ANAPC1: variants seen among roughly 807,000 people sequenced by gnomAD.
ANAPC1 encodes anaphase-promoting complex subunit 1.
In ANAPC1, 36 loss-of-function variants were observed where a neutral mutation model predicts 208.0. That is an observed-to-expected ratio of 0.17 (90% CI 0.13 to 0.23). ANAPC1 has a LOEUF of 0.23. ANAPC1 is among the 10% of genes least tolerant of loss of function. The pLI is 1.00. For synonymous variants in ANAPC1, 378 were observed against 695.2 expected (o/e 0.54, Z 7.18); for missense variants, 942 against 2,011.6 (o/e 0.47, Z 10.17).
At chr2:111,830,391 T>C (rs1182719192) in intron 21 of ANAPC1, among the ~76,000 whole-genome samples, 3 of 151,918 alleles carry the variant, frequency 2.0e-5, no homozygotes, top group African/African-American at 7.3e-5. Context: ...ACAAAATGGA[T>C]TAGAGATCTA....
chr2:111,839,132 A>C (rs567793026), intron 17 of ANAPC1, among the ~76,000 whole-genome samples: 22 of 152,286 alleles, frequency 1.4e-4, no homozygotes, highest in African/African-American at 5.3e-4. Context: ...CTGCTCCTCC[A>C]GGCTCTTTGC....
In ANAPC1 at chr2:111,850,979, T is replaced by C. The variant is rs56857846; in HGVS notation, c.1516-69A>G. ...ATGCATCATATCCTTAAATAAAATG[T>C]TAAGGAATATAAACATATATTTCTT... On this transcript the variant is annotated intron_variant, in intron 13 of 47. Transcript: ENST00000341068. 24,414 of 1,511,812 alleles carry C rather than the reference T, an allele frequency of 0.016. 456 individuals are homozygous for C. Among genetic ancestry groups the C allele is most frequent in the African/African-American group, 0.086 (6,087 of 70,554 alleles). 93.6% of individuals were successfully genotyped at this position (1,511,812 alleles called of 1,614,324 possible).
chr2:111,856,338 T>TA (rs11361199), intron 13 of ANAPC1: 1,472 of 242,402 alleles, frequency 6.1e-3, no homozygotes, highest in East Asian at 0.013. Context: ...ACTTTAACTT[T>TA]AAAAAAAAAA....
chr2:111,800,153 T>C (rs1190968610), intron 34 of ANAPC1, among the ~76,000 whole-genome samples: 4 of 131,814 alleles, frequency 3.0e-5, no homozygotes, highest in Non-Finnish European at 6.5e-5. Flanking sequence ...TGATGAAACA[T>C]GTTTATACAG....
intron 3 of ANAPC1, among the ~76,000 whole-genome samples, chr2:111,878,542 A>G (rs1485315808): frequency 6.6e-6 from 1 of 152,256 alleles, no homozygotes; most frequent in East Asian, 1.9e-4. Flanking sequence ...TTTGCTGGCA[A>G]TAACAAATTG....
intron 40 of ANAPC1, among the ~76,000 whole-genome samples, chr2:111,784,795 TC>T (rs1573317822): frequency 1.0e-5 from 1 of 97,598 alleles, no homozygotes; most frequent in East Asian, 2.7e-4. Context: ...TCCCCTGCAT[TC>T]CACAGACATC....
rs1681731280 is a variant in ANAPC1, at chr2:111,856,519, A to G, written c.1515+95T>C. ...GCCAAATTGTGCAGACAGGAACATAACAAATTTAAAATATCAATCTAAAGT... is the reference window on the plus strand; with the variant it reads ...GCCAAATTGTGCAGACAGGAACATAGCAAATTTAAAATATCAATCTAAAGT... On this transcript the variant is annotated intron_variant, in intron 13 of 47. Transcript: ENST00000341068. The G allele has an allele frequency of 2.4e-6, 3 of 1,254,104 alleles. No homozygotes were observed. In the South Asian group the frequency reaches 4.0e-5, roughly 17 times the overall value. 77.7% of individuals were successfully genotyped at this position (1,254,104 alleles called of 1,614,324 possible).
chr2:111,820,822 T>A (rs1239550255), intron 26 of ANAPC1, among the ~76,000 whole-genome samples: 1 of 151,886 alleles, frequency 6.6e-6, no homozygotes, highest in Non-Finnish European at 1.5e-5. Flanking sequence ...AAAAAAAAAA[T>A]ACTCATACAA....
intron 46 of ANAPC1, among the ~76,000 whole-genome samples, chr2:111,773,740 C>G (rs926475852): frequency 1.3e-5 from 2 of 151,854 alleles, no homozygotes; most frequent in African/African-American, 4.8e-5. Context: ...ATTCAATGGC[C>G]CCACAGTGAA....
rs1677023672 is a variant in ANAPC1 at position 111,776,889 on chromosome 2, T to G, written c.5554A>C (p.Ile1852Leu). The change falls in exon 46 of 48, where the codon ATT (isoleucine) becomes CTT (leucine). Residue 1852 changes from isoleucine to leucine, a missense_variant. Transcript: ENST00000341068. Reference protein sequence around the residue: ...SEFLPVVKCTIDNTLDQWLQV... With the variant: ...SEFLPVVKCTLDNTLDQWLQV... Reference sequence around the variant, plus strand: ...AGCCACTGGTCCAGGGTATTATCAATGGTGCACTTCACAACAGGGAGGAAT... The same window carrying G: ...AGCCACTGGTCCAGGGTATTATCAAGGGTGCACTTCACAACAGGGAGGAAT... The G allele has an allele frequency of 2.1e-6, 1 of 473,666 alleles. No homozygotes were observed. The highest frequency in any genetic ancestry group is 2.2e-5 in the South Asian group (1 of 46,192). 29.3% of individuals were successfully genotyped at this position (473,666 alleles called of 1,614,324 possible).
intron 18 of ANAPC1, among the ~76,000 whole-genome samples, 169 bp from the exon 19 acceptor site, chr2:111,835,041 G>A (rs986298095): frequency 1.3e-5 from 2 of 150,634 alleles, no homozygotes; most frequent in African/African-American, 4.9e-5. Flanking sequence ...CTATAAAATA[G>A]CAAGCCAGTT....
intron 27 of ANAPC1, among the ~76,000 whole-genome samples, chr2:111,817,574 T>C (rs540095226): frequency 6.6e-5 from 10 of 152,242 alleles, no homozygotes; most frequent in Admixed American, 5.9e-4. Context: ...AAGCATGATA[T>C]GGAGATGGGA....
chr2:111,882,201 C>CA lies in ANAPC1; in HGVS notation c.-24-1353dup, dbSNP rs757201250. 5.7e-3 allele frequency among the ~76,000 whole-genome samples: 822 copies of CA among 144,660 alleles called. 2 individuals are homozygous for CA. The highest frequency in any genetic ancestry group is 7.8e-3 in the Non-Finnish European group (509 of 65,298). The allele number at this position is 144,660 out of a possible 152,430, so 94.9% of individuals were successfully genotyped here. A position where few individuals can be genotyped will look rare whatever the true frequency, so the allele number is the denominator to read the frequency against. Reference sequence around the variant, plus strand: ...TCTGTCTCAAAAAAAAAACCAAAAGCAAAAAAAAAACCTCTAGACCTTAAC... The same window carrying CA: ...TCTGTCTCAAAAAAAAAACCAAAAGCAAAAAAAAAAACCTCTAGACCTTAAC... On this transcript the variant is annotated intron_variant, in intron 1 of 47. Transcript: ENST00000341068.
At chr2:111,859,609 A>G (rs1202963782) in intron 10 of ANAPC1, among the ~76,000 whole-genome samples, 1 of 152,246 alleles carries the variant, frequency 6.6e-6, no homozygotes, top group African/African-American at 2.4e-5. Flanking sequence ...CTTTTGATAT[A>G]TGAGAAACAA....
intron 1 of ANAPC1, 149 bp from the exon 2 acceptor site, chr2:111,880,998 C>T: frequency 3.1e-6 from 2 of 650,070 alleles, no homozygotes; most frequent in South Asian, 2.0e-5. Flanking sequence ...CATAAAAGGG[C>T]ATTCTAGATC....
intron 39 of ANAPC1, among the ~76,000 whole-genome samples, chr2:111,785,842 AT>A (rs200237198): frequency 7.2e-6 from 1 of 138,104 alleles, no homozygotes; most frequent in Non-Finnish European, 1.6e-5. Flanking sequence ...ATCTTCTCAG[AT>A]TTTTTTTTTC....
intron 47 of ANAPC1, among the ~76,000 whole-genome samples, chr2:111,770,443 T>C (rs1676676970): frequency 6.9e-6 from 1 of 145,734 alleles, no homozygotes; most frequent in South Asian, 2.1e-4. Flanking sequence ...TTATCCTGCT[T>C]AGGGTTCACT....
chr2:111,883,624 C>G (rs1298012489), intron 1 of ANAPC1, among the ~76,000 whole-genome samples: 3 of 151,922 alleles, frequency 2.0e-5, no homozygotes, highest in Non-Finnish European at 2.9e-5. Context: ...ACGGTGAAAA[C>G]AGGCTGAGAG....
At chr2:111,826,369 T>C (rs1314991954) in intron 21 of ANAPC1, among the ~76,000 whole-genome samples, 1 of 152,204 alleles carries the variant, frequency 6.6e-6, no homozygotes, top group Non-Finnish European at 1.5e-5. Context: ...CCTTTCCTCC[T>C]ACACCCAGCA....
Sources: gnomAD v4.1 joint callset for allele counts (sites outside exome capture counted in the v4.1 genomes callset) on GRCh38, gnomAD v4.1.1 for gene constraint, MANE v1.5 for transcripts, NCBI Gene and HGNC (gene_info 2026-07-23, HGNC 2026-07-21) for gene names.